Variants in MAP4K5 observed in about 807,000 individuals in gnomAD.
The protein encoded by MAP4K5 is MAPK/ERK kinase kinase kinase 5.
MAP4K5 carries 82 observed loss-of-function variants against 135.6 expected under a neutral mutation model. The observed-to-expected ratio is 0.60, with a 90% CI of 0.51 to 0.73. MAP4K5 has a LOEUF of 0.73. Among genes scored for constraint, MAP4K5 ranks in the 30% least tolerant of loss-of-function variants. The pLI, the probability that MAP4K5 is intolerant of heterozygous loss-of-function variation, is 0.00. For synonymous variants in MAP4K5, 347 were observed against 335.0 expected (o/e 1.04, Z -0.39); for missense variants, 907 against 1,010.9 (o/e 0.90, Z 1.39).
At chr14:50,501,920 C>G (rs2037713721) in intron 3 of MAP4K5, among the ~76,000 whole-genome samples, 1 of 152,116 alleles carries the variant, frequency 6.6e-6, no homozygotes, top group Middle Eastern at 3.2e-3. Flanking sequence ...ACATTCCTAT[C>G]CTCTAGAACA....
chr14:50,506,308 TAC>T (rs2140024671), intron 2 of MAP4K5, among the ~76,000 whole-genome samples: 1 of 152,200 alleles, frequency 6.6e-6, no homozygotes, highest in African/African-American at 2.4e-5. Context: ...GGGAGAGATA[TAC>T]AGAGGAAAAG....
At chr14:50,462,122 C>T (rs370922729) in intron 13 of MAP4K5, among the ~76,000 whole-genome samples, 5 of 152,070 alleles carry the variant, frequency 3.3e-5, no homozygotes, top group Middle Eastern at 3.2e-3. Flanking sequence ...TACAAAAATG[C>T]GCAGCTGGAT....
rs77983298 is a variant in MAP4K5, at chr14:50,433,491, T to C, written c.2164+903A>G. ...AAATGGTTGCACCTCAAGAGCCTGT[T>C]GTTAGACATTTACCAGGGTATCACT... On this transcript the variant is annotated intron_variant, in intron 28 of 32. Coordinates refer to ENST00000682126, the MANE Select transcript of MAP4K5 (RefSeq NM_006575.6). 6.6e-5 allele frequency among the ~76,000 whole-genome samples: 10 copies of C among 152,356 alleles called. No homozygotes were observed. The East Asian group carries it at 1.9e-3, about 29-fold the overall frequency.
intron 13 of MAP4K5, among the ~76,000 whole-genome samples, chr14:50,459,417 A>T (rs955109617): frequency 5.9e-5 from 9 of 152,126 alleles, no homozygotes; most frequent in African/African-American, 2.2e-4. Context: ...TCCTTGCTCT[A>T]CCATCCTAGT....
intron 13 of MAP4K5, among the ~76,000 whole-genome samples, chr14:50,459,648 T>C (rs2036665482): frequency 6.6e-6 from 1 of 152,024 alleles, no homozygotes; most frequent in African/African-American, 2.4e-5. Context: ...CTTCTACCAC[T>C]TCCTTCTTCC....
chr14:50,537,283 G>A (rs1027723375), upstream of MAP4K5, among the ~76,000 whole-genome samples: 8 of 152,220 alleles, frequency 5.3e-5, no homozygotes, highest in African/African-American at 1.9e-4. Context: ...GAGCCTTCTA[G>A]TACACAGAAG....
chr14:50,485,779 T>C, intron 4 of MAP4K5, 137 bp from the exon 5 acceptor site: 1 of 595,442 alleles, frequency 1.7e-6, no homozygotes, highest in South Asian at 2.4e-5. Flanking sequence ...GTAATCTTGC[T>C]ACAATATACA....
intron 3 of MAP4K5, among the ~76,000 whole-genome samples, chr14:50,503,788 C>T (rs1172767433): frequency 3.3e-5 from 5 of 152,026 alleles, no homozygotes; most frequent in African/African-American, 9.7e-5. Context: ...TGAGAGCACA[C>T]GCCAGTACCT....
intron 28 of MAP4K5, among the ~76,000 whole-genome samples, chr14:50,431,800 T>A (rs958015521): frequency 6.6e-5 from 10 of 152,146 alleles, no homozygotes; most frequent in Admixed American, 2.0e-4. Context: ...ATGGTATTTG[T>A]AGTTCTAGAT....
chr14:50,425,946 C>G lies in MAP4K5; in HGVS notation c.2358G>C (p.Trp786Cys), dbSNP rs2035836266. Residue 786 changes from tryptophan to cysteine, a missense_variant, in exon 31 of 33, where the codon TGG becomes TGC. Transcript: ENST00000682126. Reference protein sequence around the residue: ...VCLQDSVLAFWKHGMQGKSFK... With the variant: ...VCLQDSVLAFCKHGMQGKSFK... ...AGCTTTTACCCTGCATCCCATGTTT[C>G]CAGAAAGCCAACACACTGTCTTGAA... 1 of 1,612,334 alleles carries G rather than the reference C, an allele frequency of 6.2e-7. No individual in the cohort carries two copies. Among genetic ancestry groups the G allele is most frequent in the African/African-American group, 1.3e-5 (1 of 74,866 alleles).
Position 50,560,725 on chromosome 14 carries a change from A to AC in MAP4K5, c.-180+314dup, listed in dbSNP as rs573424305. On this transcript the variant is annotated intron_variant, in intron 1 of 8. Transcript: ENST00000555216. The stretch of plus-strand genomic sequence containing the variant: ...GGGATCTAGAGCAGGCCAAGCCCCA[A>AC]CCCCCCTCCCCGGGAGCCGCCAACT... Among the ~76,000 whole-genome samples, 42 of 151,742 alleles carry AC rather than the reference A, an allele frequency of 2.8e-4. 1 individual carries two copies. The East Asian group carries it at 7.0e-3, about 25-fold the overall frequency.
intron 6 of MAP4K5, among the ~76,000 whole-genome samples, chr14:50,481,794 T>A (rs1345536165): frequency 6.6e-6 from 1 of 152,228 alleles, no homozygotes; most frequent in African/African-American, 2.4e-5. Context: ...ACCTGTTTAA[T>A]GCAATGTTAA....
intron 23 of MAP4K5, among the ~76,000 whole-genome samples, chr14:50,439,582 G>A (rs1381835722): frequency 1.3e-5 from 2 of 152,092 alleles, no homozygotes; most frequent in African/African-American, 2.4e-5. Flanking sequence ...AGGCTGTACT[G>A]TTACCCCATC....
At chr14:50,508,086 C>T (rs1024667589) in intron 2 of MAP4K5, among the ~76,000 whole-genome samples, 1 of 152,222 alleles carries the variant, frequency 6.6e-6, no homozygotes, top group Non-Finnish European at 1.5e-5. Flanking sequence ...GAATTGATCC[C>T]TTTACCATTA....
chr14:50,531,608 TC>T (rs890601801), intron 2 of MAP4K5, among the ~76,000 whole-genome samples: 1 of 152,224 alleles, frequency 6.6e-6, no homozygotes, highest in Non-Finnish European at 1.5e-5. Flanking sequence ...GAAGCATTTT[TC>T]CATGCTAACA....
chr14:50,508,998 T>C (rs1047149153), intron 2 of MAP4K5, among the ~76,000 whole-genome samples: 1 of 152,130 alleles, frequency 6.6e-6, no homozygotes, highest in Non-Finnish European at 1.5e-5. Context: ...CCATCAATGA[T>C]AGACTGGATT....
At chr14:50,434,254 T>C in intron 28 of MAP4K5, 140 bp downstream of exon 28, 1 of 628,948 alleles carries the variant, frequency 1.6e-6, no homozygotes, top group East Asian at 2.8e-5. Flanking sequence ...ACGTACACGG[T>C]TCTATGGGCT....
At chr14:50,439,984 T>C (rs1446678386) in intron 23 of MAP4K5, 29 bp downstream of exon 23, 3 of 1,461,286 alleles carry the variant, frequency 2.1e-6, no homozygotes, top group Non-Finnish European at 9.3e-7. Context: ...TGCTTATCTA[T>C]GGTTTATTTT....
chr14:50,435,351 A>G (rs1224577711), intron 26 of MAP4K5, among the ~76,000 whole-genome samples: 2 of 151,296 alleles, frequency 1.3e-5, no homozygotes, highest in East Asian at 3.9e-4. Context: ...TCCCTTCCTC[A>G]CTCCCTCCCG....
Sources: allele counts gnomAD v4.1 joint callset (sites outside exome capture counted in the v4.1 genomes callset), GRCh38; gene constraint gnomAD v4.1.1; transcripts MANE v1.5; gene names NCBI Gene and HGNC (gene_info 2026-07-23, HGNC 2026-07-21).